The following EYS variants were observed in gnomAD, a reference collection of about 807,000 sequenced individuals.
The protein encoded by EYS is protein eyes shut homolog.
EYS carries 250 observed loss-of-function variants against 282.1 expected under a neutral mutation model. The ratio of observed to expected loss-of-function variants is 0.89; its 90% CI spans 0.80 to 0.98. The LOEUF (loss-of-function observed/expected upper bound fraction) is 0.98. Among genes scored for constraint, EYS ranks in the 50% least tolerant of loss-of-function variants. The pLI is 0.00. For missense variants in EYS, 4,016 were observed against 3,709.0 expected, an observed-to-expected ratio of 1.08 and a Z score of -2.15; for synonymous variants, 1,355 against 1,282.9, an observed-to-expected ratio of 1.06 and a Z score of -1.20.
At chr6:64,124,533 T>C (rs75309553) in intron 31 of EYS, among the ~76,000 whole-genome samples, 3,056 of 152,274 alleles carry the variant, frequency 0.02, 80 homozygotes, top group African/African-American at 0.061. Context: ...ACACAACATT[T>C]GATGTTGGAG....
intron 22 of EYS, among the ~76,000 whole-genome samples, chr6:64,696,481 T>A (rs1018035011): frequency 3.9e-5 from 6 of 152,166 alleles, no homozygotes; most frequent in African/African-American, 1.4e-4. Flanking sequence ...GATTTAGACA[T>A]CCAGATACAA....
At chr6:64,089,820 C>A (rs1159401688) in intron 31 of EYS, among the ~76,000 whole-genome samples, 1 of 152,042 alleles carries the variant, frequency 6.6e-6, no homozygotes, top group Admixed American at 6.6e-5. Flanking sequence ...ACTAACATTT[C>A]TCCTTTTGAT....
intron 26 of EYS, among the ~76,000 whole-genome samples, chr6:64,509,303 CT>C (rs1777310822): frequency 6.6e-6 from 1 of 152,108 alleles, no homozygotes; most frequent in East Asian, 1.9e-4. Context: ...GTAATTGCTT[CT>C]TTACGACTTG....
rs142039956 is a variant in EYS at position 65,595,681 on chromosome 6, G to A, written c.-333+44097C>T. Among the ~76,000 whole-genome samples, 784 of 151,112 alleles carry A rather than the reference G, an allele frequency of 5.2e-3. 2 individuals carry two copies. Among genetic ancestry groups the A allele is most frequent in the Middle Eastern group, 0.01 (3 of 290 alleles). On this transcript the variant is annotated intron_variant, in intron 2 of 42. Coordinates refer to ENST00000503581, the MANE Select transcript of EYS (RefSeq NM_001142800.2). ...AAAAAAATCAGTTTAGTTAAATAAC[G>A]GTTTATCTCTTTGGGAAATGTAAGA...
chr6:64,887,087 T>A (rs1468520377), intron 18 of EYS, among the ~76,000 whole-genome samples: 1 of 151,830 alleles, frequency 6.6e-6, no homozygotes, highest in East Asian at 1.9e-4. Context: ...TGTAACCTGA[T>A]AAATACTAGT....
chr6:63,804,734 A>C (rs1770860854), intron 37 of EYS, among the ~76,000 whole-genome samples: 1 of 152,194 alleles, frequency 6.6e-6, no homozygotes, highest in African/African-American at 2.4e-5. Context: ...TTGCATTCTA[A>C]GTGCAGTAAA....
intron 31 of EYS, among the ~76,000 whole-genome samples, chr6:64,094,050 A>G (rs916268464): frequency 1.3e-5 from 2 of 152,088 alleles, no homozygotes; most frequent in African/African-American, 2.4e-5. Context: ...TATATGCTGG[A>G]TTACATTTAT....
In EYS at chr6:64,719,630, C is replaced by T. The variant is rs145679164; in HGVS notation, c.3444-93385G>A. On this transcript the variant is annotated intron_variant, in intron 22 of 42. Coordinates refer to ENST00000503581, the MANE Select transcript of EYS (RefSeq NM_001142800.2). ...TTTGGGCCAGTCTTTCTTTATATGT[C>T]GCTAAACTTTGTTAAATATTTGTAT... Among the ~76,000 whole-genome samples, 899 of 152,178 alleles carry T rather than the reference C, an allele frequency of 5.9e-3. 7 individuals carry two copies. The highest frequency in any genetic ancestry group is 0.034 in the Middle Eastern group (10 of 294).
chr6:64,194,724 G>C (rs1178885137), intron 31 of EYS, among the ~76,000 whole-genome samples: 3 of 152,046 alleles, frequency 2.0e-5, no homozygotes, highest in Non-Finnish European at 4.4e-5. Flanking sequence ...GTTGGGGTCA[G>C]TGTTATATAT....
rs943905358 is a variant in EYS, at chr6:63,773,799, A to G, written c.7898+4207T>C. 6.6e-5 allele frequency among the ~76,000 whole-genome samples: 10 copies of G among 152,148 alleles called. No homozygotes were observed. The East Asian group carries it at 1.7e-3, about 26-fold the overall frequency. The stretch of plus-strand genomic sequence containing the variant: ...TAAAAGAAGACAGTCTGAGCAAAGG[A>G]TGCTTAATTTGGGAACTTTGGCAGA... On this transcript the variant is annotated intron_variant, in intron 40 of 42. Coordinates refer to ENST00000503581, the MANE Select transcript of EYS (RefSeq NM_001142800.2).
chr6:65,590,364 A>G (rs546972832), intron 2 of EYS, among the ~76,000 whole-genome samples: 1 of 152,194 alleles, frequency 6.6e-6, no homozygotes, highest in Admixed American at 6.6e-5. Flanking sequence ...CTGACACGTA[A>G]TATTTATACA....
intron 12 of EYS, 127 bp from the exon 13 acceptor site, chr6:65,057,854 AG>A: frequency 1.5e-6 from 1 of 655,742 alleles, no homozygotes; most frequent in Admixed American, 2.5e-5. Context: ...TTATTAGATA[AG>A]AATGCCACAT....
At chr6:64,262,349 G>C in intron 30 of EYS, among the ~76,000 whole-genome samples, 1 of 151,078 alleles carries the variant, frequency 6.6e-6, no homozygotes, top group Non-Finnish European at 1.5e-5. Flanking sequence ...TTTAATTTCA[G>C]ATTATTTTTT....
At chr6:65,333,670 C>G (rs1307278683) in intron 11 of EYS, among the ~76,000 whole-genome samples, 1 of 151,572 alleles carries the variant, frequency 6.6e-6, no homozygotes, top group East Asian at 2.0e-4. Flanking sequence ...TTGGCTATTT[C>G]TCCCTTAAAT....
chr6:64,817,396 A>T (rs1764768320), intron 21 of EYS, among the ~76,000 whole-genome samples: 1 of 152,208 alleles, frequency 6.6e-6, no homozygotes, highest in South Asian at 2.1e-4. Context: ...TATACATGAT[A>T]TACATGGCAG....
intron 5 of EYS, among the ~76,000 whole-genome samples, chr6:65,468,608 C>A (rs763499645): frequency 6.6e-6 from 1 of 151,966 alleles, no homozygotes; most frequent in Non-Finnish European, 1.5e-5. Flanking sequence ...TGTATTCCAG[C>A]GTCCTTTTAA....
At chr6:64,053,528 G>C (rs1387438461) in intron 33 of EYS, among the ~76,000 whole-genome samples, 1 of 152,082 alleles carries the variant, frequency 6.6e-6, no homozygotes, top group Non-Finnish European at 1.5e-5. Flanking sequence ...GAAAACTTCT[G>C]TGTGATTTTT....
intron 12 of EYS, among the ~76,000 whole-genome samples, chr6:65,243,600 A>G (rs965449557): frequency 6.6e-6 from 1 of 151,696 alleles, no homozygotes; most frequent in South Asian, 2.1e-4. Context: ...AATGTCAAAG[A>G]CTTTATTTTT....
At chr6:65,691,765 G>A (rs1033761192) in intron 1 of EYS, among the ~76,000 whole-genome samples, 8 of 150,366 alleles carry the variant, frequency 5.3e-5, no homozygotes, top group African/African-American at 1.9e-4. Flanking sequence ...TGTATAAAGT[G>A]TAAGGATGGG....
Sources: gnomAD v4.1 joint callset for allele counts (sites outside exome capture counted in the v4.1 genomes callset) on GRCh38, gnomAD v4.1.1 for gene constraint, MANE v1.5 for transcripts, NCBI Gene and HGNC (gene_info 2026-07-23, HGNC 2026-07-21) for gene names.